RBM27: variants seen among roughly 807,000 people sequenced by gnomAD.
RBM27 encodes RNA-binding protein 27.
Under a neutral mutation model 135.3 loss-of-function variants are expected in RBM27, and 22 were observed. The observed-to-expected ratio is 0.16, with a 90% CI of 0.12 to 0.23. The LOEUF (loss-of-function observed/expected upper bound fraction) is 0.23, where lower values mean the gene tolerates loss of function less well. RBM27 is among the 10% of genes least tolerant of loss of function. The pLI, the probability that RBM27 is intolerant of heterozygous loss-of-function variation, is 1.00. For missense variants in RBM27, 1,009 were observed against 1,281.0 expected (o/e 0.79, Z 3.24); for synonymous variants, 481 against 442.4 (o/e 1.09, Z -1.10).
chr5:146,271,081 G>T (rs73303441), intron 18 of RBM27, 23 bp downstream of exon 18: 1 of 1,556,796 alleles, frequency 6.4e-7, no homozygotes, highest in South Asian at 1.1e-5. Context: ...AGGAGTTAGC[G>T]CCCCACCACA....
chr5:146,241,839 C>A (rs755844772), intron 8 of RBM27, among the ~76,000 whole-genome samples: 2 of 152,050 alleles, frequency 1.3e-5, no homozygotes, highest in Non-Finnish European at 2.9e-5. Flanking sequence ...GTTATTTTGC[C>A]AGGTTAAGGT....
At chr5:146,204,345 A>G (rs1470276551) in intron 1 of RBM27, among the ~76,000 whole-genome samples, 1 of 152,182 alleles carries the variant, frequency 6.6e-6, no homozygotes, top group Non-Finnish European at 1.5e-5. Flanking sequence ...ATTATTGGTA[A>G]GTTCTGAGGG....
chr5:146,218,450 A>G (rs13168967), intron 1 of RBM27, among the ~76,000 whole-genome samples: 31,901 of 152,104 alleles, frequency 0.21, 4,259 homozygotes, highest in Admixed American at 0.33. Flanking sequence ...TTTAAATGCC[A>G]TTCTTTTCAT....
intron 7 of RBM27, 81 bp downstream of exon 7, chr5:146,233,824 T>A: frequency 1.0e-6 from 1 of 988,794 alleles, no homozygotes; most frequent in Non-Finnish European, 1.4e-6. Context: ...GACACTCGTT[T>A]AAAGTGTTTG....
At position 146,258,521 on chromosome 5, in the gene RBM27, T is replaced by C; in HGVS notation, c.1667T>C (p.Leu556Pro). 6.2e-7 allele frequency: 1 copy of C among 1,603,388 alleles called. No homozygotes were observed. Among genetic ancestry groups the C allele is most frequent in the Non-Finnish European group, 8.5e-7 (1 of 1,174,602 alleles). Residue 556 changes from leucine to proline, a missense_variant, in exon 11 of 21, where the codon CTT (leucine) becomes CCT (proline). By Grantham distance (98) the Leu-to-Pro change is moderately conservative. Coordinates refer to ENST00000265271, the MANE Select transcript of RBM27 (RefSeq NM_018989.2). ...AATAGCAACATAACCAGAGTAGTTC[T>C]TGAACCAGATAGTCGAAAAAGAGCT... Reference protein sequence around the residue: ...SINSNITRVVLEPDSRKRAMS... With the variant: ...SINSNITRVVPEPDSRKRAMS...
chr5:146,258,807 G>A (rs1021649693), intron 11 of RBM27, among the ~76,000 whole-genome samples: 12 of 151,130 alleles, frequency 7.9e-5, no homozygotes, highest in Admixed American at 2.6e-4. Flanking sequence ...CATCCAGGCT[G>A]GAGTGCAATG....
chr5:146,285,490 T>C (rs1759543553), intron 20 of RBM27, among the ~76,000 whole-genome samples: 1 of 152,150 alleles, frequency 6.6e-6, no homozygotes, highest in Non-Finnish European at 1.5e-5. Flanking sequence ...TCTAAGATTT[T>C]AGATTTTTAT....
intron 19 of RBM27, among the ~76,000 whole-genome samples, chr5:146,274,411 C>G (rs1205944786): frequency 6.6e-6 from 1 of 152,070 alleles, no homozygotes; most frequent in Non-Finnish European, 1.5e-5. Context: ...CACGCACGAC[C>G]ACACCCAGCT....
intron 19 of RBM27, among the ~76,000 whole-genome samples, chr5:146,272,228 G>A (rs1450265988): frequency 1.3e-5 from 2 of 152,002 alleles, no homozygotes; most frequent in Non-Finnish European, 1.5e-5. Flanking sequence ...TTAAATGACT[G>A]TATAAATGTG....
chr5:146,228,408 A>C (rs1350731966), intron 3 of RBM27, among the ~76,000 whole-genome samples: 4 of 150,322 alleles, frequency 2.7e-5, no homozygotes, highest in African/African-American at 9.8e-5. Flanking sequence ...CAGCCTCCCG[A>C]GTAGCTGGGA....
At chr5:146,281,711 G>T (rs967717432) in intron 19 of RBM27, among the ~76,000 whole-genome samples, 4 of 152,166 alleles carry the variant, frequency 2.6e-5, no homozygotes, top group Non-Finnish European at 5.9e-5. Context: ...ATAAGTAGTG[G>T]CTATTTGCCA....
chr5:146,276,125 G>A (rs1195863152), intron 19 of RBM27, among the ~76,000 whole-genome samples: 1 of 150,732 alleles, frequency 6.6e-6, no homozygotes, highest in Non-Finnish European at 1.5e-5. Context: ...TTTCTAAATT[G>A]TAAGCATTAT....
At position 146,263,588 on chromosome 5, in the gene RBM27, C is replaced by T; in HGVS notation, c.2288C>T (p.Ser763Leu). ...GCAGGTGGTAACCAGAGTGATGCAT[C>T]ACATTTGTTGAATCAGTCTGGTGGT... ...GHAGGNQSDA[S>L]HLLNQSGGAG... The change falls in exon 14 of 21, where the codon TCA becomes TTA. Residue 763 changes from serine (S) to leucine (L), a missense_variant. Coordinates refer to ENST00000265271, the MANE Select transcript of RBM27 (RefSeq NM_018989.2). 1 of 1,614,138 alleles carries T rather than the reference C, an allele frequency of 6.2e-7. No homozygotes were observed. The highest frequency in any genetic ancestry group is 8.5e-7 in the Non-Finnish European group (1 of 1,180,024).
chr5:146,270,277 C>CA (rs1758805862), intron 17 of RBM27, among the ~76,000 whole-genome samples: 1 of 151,978 alleles, frequency 6.6e-6, no homozygotes, highest in Admixed American at 6.6e-5. Flanking sequence ...TAATTCTAGT[C>CA]CTTTGAGAAC....
At chr5:146,239,411 C>A (rs1581179566) in intron 8 of RBM27, among the ~76,000 whole-genome samples, 1 of 144,390 alleles carries the variant, frequency 6.9e-6, no homozygotes, top group East Asian at 2.1e-4. Flanking sequence ...GCTACCATTT[C>A]TTTCTGAGCC....
chr5:146,232,397 C>T (rs1375586698), intron 6 of RBM27, among the ~76,000 whole-genome samples: 1 of 152,060 alleles, frequency 6.6e-6, no homozygotes, highest in Non-Finnish European at 1.5e-5. Context: ...ATAATCTGTG[C>T]GTATGTACAT....
intron 1 of RBM27, among the ~76,000 whole-genome samples, chr5:146,217,972 G>A (rs1756285787): frequency 6.6e-6 from 1 of 151,778 alleles, no homozygotes. Flanking sequence ...TGCCCAGGCT[G>A]GTCTTGAACT....
chr5:146,208,671 A>G (rs750532132), intron 1 of RBM27, among the ~76,000 whole-genome samples: 1 of 152,226 alleles, frequency 6.6e-6, no homozygotes, highest in African/African-American at 2.4e-5. Context: ...TCTGTCAGAA[A>G]TAACTGCTCA....
At chr5:146,204,761 C>T (rs1431595406) in intron 1 of RBM27, among the ~76,000 whole-genome samples, 1 of 152,080 alleles carries the variant, frequency 6.6e-6, no homozygotes, top group East Asian at 1.9e-4. Flanking sequence ...ATTGAGAGGA[C>T]ACCTGAAGAT....
Sources: allele counts gnomAD v4.1 joint callset (sites outside exome capture counted in the v4.1 genomes callset), GRCh38; gene constraint gnomAD v4.1.1; transcripts MANE v1.5; gene names NCBI Gene and HGNC (gene_info 2026-07-23, HGNC 2026-07-21).